TYR: variants seen among roughly 807,000 people sequenced by gnomAD.
TYR encodes the protein tyrosinase, also known as LB24-AB.
Under a neutral mutation model 51.5 loss-of-function variants are expected in TYR, and 58 were observed. The observed-to-expected ratio is 1.13, with a 90% CI of 0.91 to 1.40. The LOEUF is 1.40. Among genes scored for constraint, TYR ranks in the 40% most tolerant of loss-of-function variants. The pLI, the probability that TYR is intolerant of heterozygous loss-of-function variation, is 0.00. For missense variants in TYR, 732 were observed against 647.4 expected (o/e 1.13, Z -1.42); for synonymous variants, 263 against 235.2 (o/e 1.12, Z -1.08).
chr11:89,291,523 A>T (rs1374814928), intron 4 of TYR, among the ~76,000 whole-genome samples: 2 of 151,946 alleles, frequency 1.3e-5, no homozygotes, highest in African/African-American at 2.4e-5. Context: ...CAAAAATAAA[A>T]ATCAACTGTA....
chr11:89,278,104 C>G (rs546744633), intron 3 of TYR, among the ~76,000 whole-genome samples: 2 of 151,682 alleles, frequency 1.3e-5, no homozygotes, highest in African/African-American at 4.8e-5. Context: ...GAATTTGTCG[C>G]ATACTTCCAA....
chr11:89,245,694 G>C (rs1331038624), intron 3 of TYR, among the ~76,000 whole-genome samples: 1 of 152,106 alleles, frequency 6.6e-6, no homozygotes, highest in Non-Finnish European at 1.5e-5. Context: ...AGGCCAAGGC[G>C]GGCGGATTAT....
intron 2 of TYR, among the ~76,000 whole-genome samples, chr11:89,196,307 T>C (rs1565393890): frequency 1.3e-5 from 2 of 152,096 alleles, no homozygotes; most frequent in Non-Finnish European, 2.9e-5. Flanking sequence ...GATGGAAAAT[T>C]CATGAAGATA....
chr11:89,263,500 G>A (rs370507052), intron 3 of TYR, among the ~76,000 whole-genome samples: 3 of 151,852 alleles, frequency 2.0e-5, no homozygotes, highest in Admixed American at 6.6e-5. Context: ...ACATTGTATC[G>A]AAGGTTTAAG....
intron 3 of TYR, 112 bp from the exon 4 acceptor site, chr11:89,284,661 A>T (rs1358068330): frequency 2.1e-6 from 2 of 951,834 alleles, no homozygotes; most frequent in East Asian, 5.2e-5. Flanking sequence ...TATATTCAAC[A>T]TCTTTCCATG....
intron 3 of TYR, among the ~76,000 whole-genome samples, chr11:89,281,661 A>C (rs1373444318): frequency 6.6e-6 from 1 of 151,558 alleles, no homozygotes. Flanking sequence ...CGCAACTTCA[A>C]TTCTCTCATG....
chr11:89,271,482 C>A (rs1225804770), intron 3 of TYR, among the ~76,000 whole-genome samples: 2 of 151,844 alleles, frequency 1.3e-5, no homozygotes, highest in East Asian at 3.9e-4. Flanking sequence ...ATACTTTATG[C>A]TGAAAAATGC....
rs1162155868 is a variant in TYR at position 89,212,132 on chromosome 11, C to CA, written c.1037-15684dup. ...GGAGACAGAGACAAGAAAATCCCTT[C>CA]AAAAAAATCAATGAATCCACGAGCT... On this transcript the variant is annotated intron_variant, in intron 2 of 4. Transcript: ENST00000263321. 7.2e-5 allele frequency among the ~76,000 whole-genome samples: 11 copies of CA among 151,976 alleles called. No homozygotes were observed. In the South Asian group the frequency reaches 8.3e-4, roughly 11 times the overall value.
At chr11:89,294,408 C>T (rs1338394693) in intron 4 of TYR, among the ~76,000 whole-genome samples, 2 of 152,178 alleles carry the variant, frequency 1.3e-5, no homozygotes, top group Non-Finnish European at 2.9e-5. Context: ...AGCCCCGCCC[C>T]TCCAGGCTTT....
intron 1 of TYR, among the ~76,000 whole-genome samples, chr11:89,181,624 T>C (rs747791920): frequency 6.6e-6 from 1 of 152,218 alleles, no homozygotes; most frequent in Non-Finnish European, 1.5e-5. Flanking sequence ...GATATCATTT[T>C]ACTTGACCCC....
chr11:89,179,041 T>C (rs376924215), intron 1 of TYR, among the ~76,000 whole-genome samples: 1 of 152,178 alleles, frequency 6.6e-6, no homozygotes, highest in African/African-American at 2.4e-5. Context: ...TCCCAGAACA[T>C]AGTATGGTGC....
intron 3 of TYR, among the ~76,000 whole-genome samples, chr11:89,244,405 G>A (rs1348494224): frequency 6.6e-6 from 1 of 151,874 alleles, no homozygotes; most frequent in Non-Finnish European, 1.5e-5. Flanking sequence ...AGCTTAGCAC[G>A]GCCTGCTTAT....
chr11:89,227,963 G>C lies in TYR; in HGVS notation c.1177G>C (p.Val393Leu). ...DPIFLLHHAF[V>L]DSIFEQWLRR... ...TATCTTCCTTCTTCACCATGCATTT[G>C]TTGACAGGTTGGTTAATATTTCTTT... The change falls in exon 3 of 5, where the codon GTT becomes CTT. Residue 393 changes from valine (V) to leucine (L), a missense_variant. By Grantham distance (32) the Val-to-Leu change is conservative. Coordinates refer to ENST00000263321, the MANE Select transcript of TYR (RefSeq NM_000372.5). 1 of 1,613,300 alleles carries C rather than the reference G, an allele frequency of 6.2e-7. No homozygotes were observed. The highest frequency in any genetic ancestry group is 8.5e-7 in the Non-Finnish European group (1 of 1,179,570).
At chr11:89,185,574 A>C (rs1470110348) in intron 1 of TYR, among the ~76,000 whole-genome samples, 1 of 152,144 alleles carries the variant, frequency 6.6e-6, no homozygotes, top group Non-Finnish European at 1.5e-5. Context: ...CGTAACAATC[A>C]TTGTTTATTA....
chr11:89,188,085 A>C (rs1356335601), intron 1 of TYR, among the ~76,000 whole-genome samples: 4 of 150,498 alleles, frequency 2.7e-5, no homozygotes, highest in African/African-American at 9.7e-5. Flanking sequence ...AAAATATAAT[A>C]AGTTATATAT....
At chr11:89,232,314 T>C (rs1944060550) in intron 3 of TYR, among the ~76,000 whole-genome samples, 1 of 143,294 alleles carries the variant, frequency 7.0e-6, no homozygotes, top group Non-Finnish European at 1.5e-5. Flanking sequence ...CAGGTGCTCA[T>C]CAATGGTGTA....
chr11:89,282,250 A>G (rs764621497), intron 3 of TYR, among the ~76,000 whole-genome samples: 1 of 151,794 alleles, frequency 6.6e-6, no homozygotes, highest in Admixed American at 6.6e-5. Context: ...AAAAGGTACA[A>G]TTTTTGCCTC....
intron 1 of TYR, among the ~76,000 whole-genome samples, chr11:89,179,961 G>T (rs1033994311): frequency 6.6e-6 from 1 of 152,138 alleles, no homozygotes; most frequent in African/African-American, 2.4e-5. Flanking sequence ...GGGATGGGAA[G>T]AATCTTGCAC....
At chr11:89,193,163 A>G (rs979847782) in intron 2 of TYR, among the ~76,000 whole-genome samples, 2 of 152,192 alleles carry the variant, frequency 1.3e-5, no homozygotes, top group Non-Finnish European at 2.9e-5. Flanking sequence ...AGTACTCAGA[A>G]TGCTGATATT....
Sources: allele counts gnomAD v4.1 joint callset (sites outside exome capture counted in the v4.1 genomes callset), GRCh38; gene constraint gnomAD v4.1.1; transcripts MANE v1.5; gene names NCBI Gene and HGNC (gene_info 2026-07-23, HGNC 2026-07-21).